DNMT3A: variants seen among roughly 807,000 people sequenced by gnomAD.
DNMT3A encodes the protein DNA methyltransferase 3 alpha, also known as DNA (cytosine-5)-methyltransferase 3A.
DNMT3A carries 267 observed loss-of-function variants against 117.6 expected under a neutral mutation model. That is an observed-to-expected ratio of 2.27 (90% confidence interval 2.05 to 2.51). The LOEUF (loss-of-function observed/expected upper bound fraction) is 2.51, where lower values mean the gene tolerates loss of function less well. Ranked by LOEUF, DNMT3A falls within the 30% of genes most tolerant of loss-of-function variation. The pLI is 0.00. For synonymous variants in DNMT3A, 432 were observed against 474.8 expected, an observed-to-expected ratio of 0.91 and a Z score of 1.17; for missense variants, 1,029 against 1,260.2, an observed-to-expected ratio of 0.82 and a Z score of 2.78.
Position 25,341,674 on chromosome 2 carries a change from C to G in DNMT3A, c.-178+152G>C, listed in dbSNP as rs913288996. Among the ~76,000 whole-genome samples, 303 of 146,884 alleles carry G rather than the reference C, an allele frequency of 2.1e-3. 11 individuals are homozygous for G. The highest frequency in any genetic ancestry group is 4.2e-4 in the Non-Finnish European group (28 of 65,952). On this transcript the variant is annotated intron_variant, in intron 1 of 22. Coordinates refer to ENST00000321117, the MANE Select transcript of DNMT3A (RefSeq NM_022552.5). The stretch of plus-strand genomic sequence containing the variant: ...CCGGCCCGCCGTCCCCGCCTGCAGT[C>G]CCGGCCCCACGGGCGCCCGGCGCCG...
chr2:25,273,749 C>T (rs1055429632), intron 6 of DNMT3A, among the ~76,000 whole-genome samples: 1 of 152,156 alleles, frequency 6.6e-6, no homozygotes, highest in African/African-American at 2.4e-5. Context: ...TCTATAAAGT[C>T]ACCAGCTCCT....
intron 6 of DNMT3A, 146 bp from the exon 7 acceptor site, chr2:25,248,398 G>C: frequency 1.2e-6 from 1 of 833,004 alleles, no homozygotes; most frequent in Non-Finnish European, 1.8e-6. Flanking sequence ...GCCTTGCCGT[G>C]AAAAATGGAA....
chr2:25,249,270 T>C (rs1435442592), intron 6 of DNMT3A, among the ~76,000 whole-genome samples: 4 of 152,178 alleles, frequency 2.6e-5, no homozygotes, highest in African/African-American at 9.7e-5. Context: ...TTCTCCACAA[T>C]TCCCCTGGGC....
At chr2:25,246,920 G>T (rs1434031487) in intron 9 of DNMT3A, 131 bp downstream of exon 9, 5 of 1,478,758 alleles carry the variant, frequency 3.4e-6, no homozygotes, top group Non-Finnish European at 4.6e-6. Context: ...GTGCATACGG[G>T]CGAGCGAGGT....
At chr2:25,325,779 G>A (rs1374202651) in intron 1 of DNMT3A, among the ~76,000 whole-genome samples, 1 of 152,216 alleles carries the variant, frequency 6.6e-6, no homozygotes, top group African/African-American at 2.4e-5. Context: ...CAGCCACAGA[G>A]CCAAGCAAGA....
chr2:25,242,174 C>G (rs535950958), intron 16 of DNMT3A, among the ~76,000 whole-genome samples: 1 of 152,122 alleles, frequency 6.6e-6, no homozygotes, highest in African/African-American at 2.4e-5. Flanking sequence ...CCGCCCCCTC[C>G]GCTATGAGTC....
chr2:25,256,734 T>C (rs1456662950), intron 6 of DNMT3A, among the ~76,000 whole-genome samples: 1 of 151,524 alleles, frequency 6.6e-6, no homozygotes. Flanking sequence ...CCTTATCTTC[T>C]ACCCCATCCC....
chr2:25,240,253 A>G, intron 19 of DNMT3A, 49 bp downstream of exon 19: 1 of 1,612,426 alleles, frequency 6.2e-7, no homozygotes, highest in South Asian at 1.1e-5. Flanking sequence ...GCAGCAGTCC[A>G]AGGTAGAAGC....
At chr2:25,323,347 C>G (rs891938074) in intron 1 of DNMT3A, among the ~76,000 whole-genome samples, 1 of 152,168 alleles carries the variant, frequency 6.6e-6, no homozygotes, top group African/African-American at 2.4e-5. Context: ...CTCTGAACTT[C>G]CGGGGACTGT....
rs1306666351 is a variant in DNMT3A, at chr2:25,286,854, C to T, written c.178-4143G>A. Reference sequence around the variant, plus strand: ...GCCTGGCCTCTTCTGCCCCCAACTCCATGTCCTCCTCCCAGCCACTCTCCT... The same window carrying T: ...GCCTGGCCTCTTCTGCCCCCAACTCTATGTCCTCCTCCCAGCCACTCTCCT... On this transcript the variant is annotated intron_variant, in intron 3 of 22. Transcript: ENST00000321117. The surrounding 1 kb of genome is among the most constrained non-coding windows in gnomAD (Gnocchi z 4.3). 2.0e-5 allele frequency among the ~76,000 whole-genome samples: 3 copies of T among 152,198 alleles called. No individual in the cohort carries two copies. Among genetic ancestry groups the T allele is most frequent in the African/African-American group, 7.2e-5 (3 of 41,454 alleles).
At chr2:25,338,918 T>C (rs1313936785) in intron 1 of DNMT3A, among the ~76,000 whole-genome samples, 1 of 151,992 alleles carries the variant, frequency 6.6e-6, no homozygotes, top group African/African-American at 2.4e-5. Context: ...AAAGGAAACC[T>C]CAGAAATTAT....
At chr2:25,320,850 G>A (rs757939142) in intron 1 of DNMT3A, among the ~76,000 whole-genome samples, 2 of 151,898 alleles carry the variant, frequency 1.3e-5, no homozygotes, top group Non-Finnish European at 2.9e-5. Context: ...ACACATTATC[G>A]GCCGGGCGCG....
intron 2 of DNMT3A, among the ~76,000 whole-genome samples, chr2:25,308,086 C>T (rs2033879995): frequency 2.0e-5 from 3 of 152,176 alleles, no homozygotes; most frequent in Admixed American, 2.0e-4. Context: ...CACTCTGTCC[C>T]CACCCATGGT....
intron 1 of DNMT3A, among the ~76,000 whole-genome samples, chr2:25,319,448 C>A (rs1413970581): frequency 1.3e-5 from 2 of 152,176 alleles, no homozygotes; most frequent in African/African-American, 4.8e-5. Flanking sequence ...CCGTGCTGGG[C>A]CCTAGTAAAG....
Position 25,241,719 on chromosome 2 carries a change from A to C in DNMT3A, c.1937-12T>G. ...CAGCACCAGGAGCCCTGCACCAGCC[A>C]GCAGACAGCACCGTTACTTGGAGCC... On this transcript the variant is annotated splice_polypyrimidine_tract_variant and intron_variant, in intron 16 of 22. Coordinates refer to ENST00000321117, the MANE Select transcript of DNMT3A (RefSeq NM_022552.5). The C allele has an allele frequency of 6.2e-7, 1 of 1,612,976 alleles. No homozygotes were observed. Among genetic ancestry groups the C allele is most frequent in the South Asian group, 1.1e-5 (1 of 90,822 alleles).
intron 1 of DNMT3A, among the ~76,000 whole-genome samples, chr2:25,328,247 C>A (rs573599908): frequency 6.6e-6 from 1 of 152,184 alleles, no homozygotes; most frequent in African/African-American, 2.4e-5. Flanking sequence ...GATTTGCACA[C>A]GTGGTAAAAT....
At chr2:25,260,297 G>A (rs1676492380) in intron 6 of DNMT3A, among the ~76,000 whole-genome samples, 1 of 152,152 alleles carries the variant, frequency 6.6e-6, no homozygotes, top group African/African-American at 2.4e-5. Flanking sequence ...ATCATCTGGG[G>A]GCTGGCTAGA....
intron 6 of DNMT3A, among the ~76,000 whole-genome samples, chr2:25,272,481 T>G (rs1425183232): frequency 2.6e-5 from 4 of 152,200 alleles, no homozygotes; most frequent in Non-Finnish European, 4.4e-5. Flanking sequence ...CTAAAAGTCA[T>G]AGTCTAAGCT....
At chr2:25,322,195 T>A (rs1573495043) in intron 1 of DNMT3A, among the ~76,000 whole-genome samples, 1 of 152,194 alleles carries the variant, frequency 6.6e-6, no homozygotes, top group African/African-American at 2.4e-5. Flanking sequence ...TCTTAAATTA[T>A]ATGCATGTAC....
Sources: allele counts gnomAD v4.1 joint callset (sites outside exome capture counted in the v4.1 genomes callset), GRCh38; gene constraint gnomAD v4.1.1; non-coding constraint Gnocchi (gnomAD v3.1); transcripts MANE v1.5; gene names NCBI Gene and HGNC (gene_info 2026-07-23, HGNC 2026-07-21).